TULP2: variants seen among roughly 807,000 people sequenced by gnomAD.
TULP2 encodes tubby-related protein 2.
TULP2 carries 64 observed loss-of-function variants against 60.3 expected under a neutral mutation model. The ratio of observed to expected loss-of-function variants is 1.06; its 90% CI spans 0.87 to 1.31. The LOEUF is 1.31. Among genes scored for constraint, TULP2 ranks in the 50% most tolerant of loss-of-function variants. The pLI is 0.00. For missense variants in TULP2, 652 were observed against 667.0 expected, an observed-to-expected ratio of 0.98 and a Z score of 0.25; for synonymous variants, 267 against 265.4, an observed-to-expected ratio of 1.01 and a Z score of -0.06.
At chr19:48,892,770 C>T (rs1186104325) in intron 6 of TULP2, among the ~76,000 whole-genome samples, 4 of 151,462 alleles carry the variant, frequency 2.6e-5, no homozygotes, top group Admixed American at 1.3e-4. Context: ...GGATTACAGG[C>T]GTGAGCCACC....
At chr19:48,886,795 A>G (rs977906547) in intron 8 of TULP2, among the ~76,000 whole-genome samples, 1 of 147,950 alleles carries the variant, frequency 6.8e-6, no homozygotes, top group African/African-American at 2.5e-5. Flanking sequence ...CAAGATCTCC[A>G]CCTCCTGGAC....
At chr19:48,885,671 G>C in intron 8 of TULP2, 111 bp from the exon 9 acceptor site, 1 of 886,556 alleles carries the variant, frequency 1.1e-6, no homozygotes, top group East Asian at 2.8e-5. Flanking sequence ...ATCACTTGAG[G>C]ACAGGAGTTC....
intron 6 of TULP2, among the ~76,000 whole-genome samples, chr19:48,891,322 T>TTA (rs1247835438): frequency 2.8e-4 from 6 of 21,782 alleles, no homozygotes; most frequent in African/African-American, 2.0e-3. Context: ...AGACTCCGTC[T>TTA]CAAAAAAAAA....
At position 48,882,222 on chromosome 19, in the gene TULP2, G is replaced by C; in HGVS notation, c.1276-19C>G. The C allele has an allele frequency of 3.7e-6, 6 of 1,613,680 alleles. No individual in the cohort carries two copies. The highest frequency in any genetic ancestry group is 5.1e-6 in the Non-Finnish European group (6 of 1,179,784). ...CCTGTTCCTAGAAGGTAAAGAAGGG[G>C]CTGTGGTTTTCTCAGAGGCTTTCGA... On this transcript the variant is annotated intron_variant, in intron 11 of 12. Coordinates refer to ENST00000221399, the MANE Select transcript of TULP2 (RefSeq NM_003323.3).
In TULP2 at chr19:48,880,971, A is replaced by G. The variant is rs1472399769; in HGVS notation, c.*40T>C. ...CAAATGAGGAGGCACAGAAGCTGGC[A>G]AGGGTATGGTATTTTATTGAGTTAT... On this transcript the variant is annotated 3_prime_UTR_variant, in exon 13 of 13. Transcript: ENST00000221399. 5 of 1,544,474 alleles carry G rather than the reference A, an allele frequency of 3.2e-6. No homozygotes were observed. The Admixed American group carries it at 8.4e-5, about 26-fold the overall frequency.
rs1361729475 is a variant in TULP2, at chr19:48,888,086, T to C, written c.812A>G (p.Asp271Gly). ...IRSPCPGLEE[D>G]MEAYVLRPAL... Reference sequence around the variant, plus strand: ...TGGCCGCAGCACGTAGGCTTCCATGTCCTCCTCCAGCCCAGGGCAGGGGGA... The same window carrying C: ...TGGCCGCAGCACGTAGGCTTCCATGCCCTCCTCCAGCCCAGGGCAGGGGGA... Residue 271 changes from aspartate to glycine, a missense_variant, in exon 8 of 13, where the codon GAC becomes GGC. Transcript: ENST00000221399. 1 of 1,614,158 alleles carries C rather than the reference T, an allele frequency of 6.2e-7. No individual in the cohort carries two copies. The highest frequency in any genetic ancestry group is 1.1e-5 in the South Asian group (1 of 91,086).
Position 48,897,856 on chromosome 19 carries a change from T to C in TULP2, c.13A>G (p.Asn5Asp). The change falls in exon 2 of 13, where the codon AAT becomes GAT. Residue 5 changes from asparagine to aspartate, a missense_variant. Coordinates refer to ENST00000221399, the MANE Select transcript of TULP2 (RefSeq NM_003323.3). This position sits in a 1 kb window ranked among gnomAD's most constrained non-coding sequence, Gnocchi z 4.0. ...ACTCACTCTCTCATCAATGTGTCAT[T>C]ATCCTGAGACATTCTGCAGAAGCAA... is the stretch of plus-strand genomic sequence containing the variant. MSQD[N>D]DTLMRDILGH... is the part of the protein sequence containing the mutation. 1.2e-6 allele frequency: 2 copies of C among 1,613,482 alleles called. No individual in the cohort carries two copies. The highest frequency in any genetic ancestry group is 1.7e-6 in the Non-Finnish European group (2 of 1,179,734).
Position 48,889,499 on chromosome 19 carries a change from C to G in TULP2, c.636+11G>C, listed in dbSNP as rs763588366. ...TCTTCCAATATCCTGAGTGATTGTG[C>G]ATTTTCCTACCTTTTGGAAGGCCAA... On this transcript the variant is annotated intron_variant, in intron 7 of 12. Coordinates refer to ENST00000221399, the MANE Select transcript of TULP2 (RefSeq NM_003323.3). 39 of 1,568,336 alleles carry G rather than the reference C, an allele frequency of 2.5e-5. No homozygotes were observed. In the East Asian group the frequency reaches 7.8e-4, roughly 31 times the overall value.
chr19:48,892,386 C>T (rs1275165222), intron 6 of TULP2, among the ~76,000 whole-genome samples: 2 of 152,252 alleles, frequency 1.3e-5, no homozygotes, highest in African/African-American at 4.8e-5. Context: ...TTTACCAAAG[C>T]ACATCCTGCC....
chr19:48,895,106 C>T lies in TULP2; in HGVS notation c.406G>A (p.Asp136Asn), dbSNP rs143984416. 6.8e-6 allele frequency: 11 copies of T among 1,614,038 alleles called. No individual in the cohort carries two copies. The highest frequency in any genetic ancestry group is 2.2e-5 in the East Asian group (1 of 44,868). ...PFLSWLPDNS[D>N]AELEEVSVEN... ...ACGGAGACTTCCTCCAATTCTGCAT[C>T]GGAATTGTCTGGGAGCCAGGATAAG... The change falls in exon 6 of 13, where the codon GAT becomes AAT. Residue 136 changes from aspartate (D) to asparagine (N), a missense_variant. Transcript: ENST00000221399.
At chr19:48,881,845 C>T (rs1309370950) in intron 12 of TULP2, among the ~76,000 whole-genome samples, 187 bp downstream of exon 12, 1 of 152,134 alleles carries the variant, frequency 6.6e-6, no homozygotes, top group Non-Finnish European at 1.5e-5. Context: ...AGAGGCTGAG[C>T]GGTGCCCTTA....
Position 48,885,478 on chromosome 19 carries a change from C to T in TULP2, c.1031G>A (p.Arg344Gln), listed in dbSNP as rs149927960. The T allele has an allele frequency of 4.6e-5, 75 of 1,614,000 alleles. No individual in the cohort carries two copies. The highest frequency in any genetic ancestry group is 5.5e-5 in the South Asian group (5 of 91,074). The change falls in exon 9 of 13, where the codon CGG (arginine) becomes CAG (glutamine). Residue 344 changes from arginine (R) to glutamine (Q), a missense_variant. Arg to Gln is a conservative substitution (Grantham distance 43). Coordinates refer to ENST00000221399, the MANE Select transcript of TULP2 (RefSeq NM_003323.3). Reference sequence around the variant, plus strand: ...TTTGCCCACGAAATTGTCCCCGTCCCGAGATAGGTGTGTAGGATCCAGGGA... The same window carrying T: ...TTTGCCCACGAAATTGTCCCCGTCCTGAGATAGGTGTGTAGGATCCAGGGA... Reference protein sequence around the residue: ...LISLDPTHLSRDGDNFVGKVR... With the variant: ...LISLDPTHLSQDGDNFVGKVR...
chr19:48,883,065 A>C (rs1240971128), intron 11 of TULP2, among the ~76,000 whole-genome samples: 1 of 152,076 alleles, frequency 6.6e-6, no homozygotes, highest in Non-Finnish European at 1.5e-5. Context: ...TAAAAATATA[A>C]AAAATTAGAC....
chr19:48,893,831 G>A (rs1056085673), intron 6 of TULP2, among the ~76,000 whole-genome samples: 1 of 152,176 alleles, frequency 6.6e-6, no homozygotes, highest in Non-Finnish European at 1.5e-5. Flanking sequence ...TGGGATTACA[G>A]GCGTGAGCCA....
rs1458502220 is a variant in TULP2, at chr19:48,897,757, TGGTTATG to T, written c.32+73_32+79del. Reference sequence around the variant, plus strand: ...GCCGATGGTGCTGAACCTGCAAACATGGTTATGAAGCCAGAGCCGAGTGCACGGGGTC... The same window carrying T: ...GCCGATGGTGCTGAACCTGCAAACATAAGCCAGAGCCGAGTGCACGGGGTC... On this transcript the variant is annotated intron_variant, in intron 2 of 12. Transcript: ENST00000221399. This position sits in a 1 kb window ranked among gnomAD's most constrained non-coding sequence, Gnocchi z 4.0. The T allele has an allele frequency of 2.3e-5, 34 of 1,461,414 alleles. No individual in the cohort carries two copies. The highest frequency in any genetic ancestry group is 3.3e-5 in the Non-Finnish European group (34 of 1,042,752). The allele number at this position is 1,461,414 out of a possible 1,614,324, so 90.5% of individuals were successfully genotyped here.
chr19:48,885,281 G>C (rs904422638), intron 9 of TULP2, among the ~76,000 whole-genome samples, 167 bp downstream of exon 9: 3 of 152,110 alleles, frequency 2.0e-5, no homozygotes, highest in African/African-American at 7.2e-5. Flanking sequence ...TCCCTTGCCT[G>C]TCAAGGAGTC....
chr19:48,897,558 CT>C lies in TULP2; in HGVS notation c.33-163del, dbSNP rs2037294082. 2.7e-6 allele frequency: 2 copies of C among 739,628 alleles called. No homozygotes were observed. Among genetic ancestry groups the C allele is most frequent in the East Asian group, 5.4e-5 (2 of 37,076 alleles). 45.8% of individuals were successfully genotyped at this position (739,628 alleles called of 1,614,324 possible). A position where few individuals can be genotyped will look rare whatever the true frequency, so the allele number is the denominator to read the frequency against. On this transcript the variant is annotated intron_variant, in intron 2 of 12. Transcript: ENST00000221399. The surrounding 1 kb of genome is among the most constrained non-coding windows in gnomAD (Gnocchi z 4.0). ...AGCCTGCTCCACCAGTTATAGGGCC[CT>C]TTCTCCTGGCACTGGCCCACAGAAG...
In TULP2 at chr19:48,895,407, C is replaced by A. The variant is rs781555336; in HGVS notation, c.308G>T (p.Gly103Val). The change falls in exon 5 of 13, where the codon GGC (glycine) becomes GTC (valine). Residue 103 changes from glycine to valine, a missense_variant. Coordinates refer to ENST00000221399, the MANE Select transcript of TULP2 (RefSeq NM_003323.3). ...ALGTVSCGGD[G>V]RGERGLPTPR... ...TGTCGGGAGGCCGCGCTCGCCCCTG[C>A]CGTCTCCACCACAGCTCACGGTGCC... 2 of 1,614,008 alleles carry A rather than the reference C, an allele frequency of 1.2e-6. No individual in the cohort carries two copies. Among genetic ancestry groups the A allele is most frequent in the Non-Finnish European group, 1.7e-6 (2 of 1,179,958 alleles).
intron 8 of TULP2, among the ~76,000 whole-genome samples, chr19:48,886,576 G>C (rs1022280131): frequency 6.6e-6 from 1 of 151,916 alleles, no homozygotes; most frequent in Non-Finnish European, 1.5e-5. Flanking sequence ...GGGGGAGAGA[G>C]GATACCCCGA....
Sources: gnomAD v4.1 joint callset for allele counts (sites outside exome capture counted in the v4.1 genomes callset) on GRCh38, gnomAD v4.1.1 for gene constraint, Gnocchi (gnomAD v3.1) non-coding constraint, MANE v1.5 for transcripts, NCBI Gene and HGNC (gene_info 2026-07-23, HGNC 2026-07-21) for gene names.